The following PITX3 variants were observed in gnomAD, a reference collection of about 807,000 sequenced individuals.
The protein encoded by PITX3 is paired like homeodomain 3, also known as pituitary homeobox 3.
In PITX3, 4 loss-of-function variants were observed where a neutral mutation model predicts 14.2. That is an observed-to-expected ratio of 0.28 (90% CI 0.14 to 0.65). The LOEUF (loss-of-function observed/expected upper bound fraction) is 0.65, where lower values mean the gene tolerates loss of function less well. Ranked by LOEUF, PITX3 falls within the 30% of genes least tolerant of loss-of-function variation. The pLI is 0.82. For missense variants in PITX3, 358 were observed against 426.8 expected (o/e 0.84, Z 1.42); for synonymous variants, 194 against 204.5 (o/e 0.95, Z 0.44).
chr10:102,232,676 T>C (rs1315820635), intron 1 of PITX3, among the ~76,000 whole-genome samples: 1 of 152,056 alleles, frequency 6.6e-6, no homozygotes, highest in Non-Finnish European at 1.5e-5. Flanking sequence ...AGCAAGATGC[T>C]GTCTCAAAAA....
rs973670310 is a variant in PITX3, at chr10:102,233,289, T to C, written c.-12-1197A>G. Among the ~76,000 whole-genome samples, 169 of 18,358 alleles carry C rather than the reference T, an allele frequency of 9.2e-3. 2 individuals carry two copies. The highest frequency in any genetic ancestry group is 0.067 in the African/African-American group (167 of 2,490). The allele number at this position is 18,358 out of a possible 152,430, so 12.0% of individuals were successfully genotyped here. On this transcript the variant is annotated intron_variant, in intron 1 of 3. Transcript: ENST00000370002. The stretch of plus-strand genomic sequence containing the variant: ...TCTGTTTCGTTTACGACTTCTTTCT[T>C]TTTTTTTTTTCCTTCTTTTTTTTTT...
At position 102,230,528 on chromosome 10, in the gene PITX3, C is replaced by T. The variant is rs746699056; in HGVS notation, c.895G>A (p.Glu299Lys). ...ANLSPCQYAV[E>K]RPV ...GGCGGGGCCGCTCATACGGGCCTTT[C>T]CACGGCGTACTGGCACGGACTAAGG... Residue 299 changes from glutamate (E) to lysine (K), a missense_variant, in exon 4 of 4, where the codon GAA (glutamate) becomes AAA (lysine). Physicochemically the swap from Glu to Lys is moderately conservative, Grantham distance 56. Around this residue, in one of 3 missense-constraint regions of PITX3, gnomAD observed 236 missense variants for 250.2 expected, o/e 0.94. Transcript: ENST00000370002. 1.2e-6 allele frequency: 2 copies of T among 1,609,424 alleles called. No individual in the cohort carries two copies. Among genetic ancestry groups the T allele is most frequent in the Admixed American group, 1.7e-5 (1 of 59,654 alleles).
chr10:102,239,754 T>C (rs2070484519), intron 1 of PITX3, among the ~76,000 whole-genome samples: 1 of 152,228 alleles, frequency 6.6e-6, no homozygotes, highest in South Asian at 2.1e-4. Flanking sequence ...TATGGACTCG[T>C]TCTCCCTGTT....
At position 102,241,439 on chromosome 10, in the gene PITX3, C is replaced by G. The variant is rs2070534625; in HGVS notation, c.-119G>C. ...CACCCGGCCGGAGTGGGGGCCGCCCCCCTGCTCCCGGGCCGCCTCTCCGCT... is the reference window on the plus strand; with the variant it reads ...CACCCGGCCGGAGTGGGGGCCGCCCGCCTGCTCCCGGGCCGCCTCTCCGCT... On this transcript the variant is annotated 5_prime_UTR_variant, in exon 1 of 4. Coordinates refer to ENST00000370002, the MANE Select transcript of PITX3 (RefSeq NM_005029.4). The surrounding 1 kb of genome is among the most constrained non-coding windows in gnomAD (Gnocchi z 6.7). 6.6e-6 allele frequency: 1 copy of G among 152,502 alleles called. No homozygotes were observed. The highest frequency in any genetic ancestry group is 1.5e-5 in the Non-Finnish European group (1 of 68,338). The allele number at this position is 152,502 out of a possible 1,614,324, so 9.4% of individuals were successfully genotyped here. A position where few individuals can be genotyped will look rare whatever the true frequency, so the allele number is the denominator to read the frequency against.
rs550316394 is a variant in PITX3 at position 102,236,762 on chromosome 10, A to G, written c.-13+4571T>C. On this transcript the variant is annotated intron_variant, in intron 1 of 3. Coordinates refer to ENST00000370002, the MANE Select transcript of PITX3 (RefSeq NM_005029.4). ...GTGAGAGCCCACAATCGGTTGCAAT[A>G]ATAATGCCTGAGGCTGGAGGCATAA... 4.1e-4 allele frequency among the ~76,000 whole-genome samples: 63 copies of G among 152,336 alleles called. 1 individual carries two copies. Among genetic ancestry groups the G allele is most frequent in the South Asian group, 4.1e-4 (2 of 4,830 alleles).
In PITX3 at chr10:102,237,620, TCTA is replaced by T. The variant is rs1348174558; in HGVS notation, c.-13+3710_-13+3712del. ...ACCCTAAGACCAGTCAAAAACAACA[TCTA>T]CTAGAAAACAGAAGCATGACCTGAA... On this transcript the variant is annotated intron_variant, in intron 1 of 3. Transcript: ENST00000370002. 6.6e-5 allele frequency among the ~76,000 whole-genome samples: 10 copies of T among 152,112 alleles called. No individual in the cohort carries two copies. The East Asian group carries it at 1.5e-3, about 24-fold the overall frequency.
At chr10:102,240,251 A>G (rs117589665) in intron 1 of PITX3, among the ~76,000 whole-genome samples, 6,170 of 152,194 alleles carry the variant, frequency 0.041, 182 homozygotes, top group Non-Finnish European at 0.06. Flanking sequence ...TTTGTCACCT[A>G]TTCCTTCCTT....
rs1040780640 is a variant in PITX3, at chr10:102,231,873, T to G, written c.119-83A>C. 8 of 1,569,308 alleles carry G rather than the reference T, an allele frequency of 5.1e-6. No homozygotes were observed. The African/African-American group carries it at 6.7e-5, about 13-fold the overall frequency. Reference sequence around the variant, plus strand: ...CTCGGGGACCTCCTAAGCCACTCGCTGGCTCCCACCGGGGCTGCCCAGCCG... The same window carrying G: ...CTCGGGGACCTCCTAAGCCACTCGCGGGCTCCCACCGGGGCTGCCCAGCCG... On this transcript the variant is annotated intron_variant, in intron 2 of 3. Coordinates refer to ENST00000370002, the MANE Select transcript of PITX3 (RefSeq NM_005029.4).
At chr10:102,232,471 T>C (rs1590406022) in intron 1 of PITX3, among the ~76,000 whole-genome samples, 1 of 152,046 alleles carries the variant, frequency 6.6e-6, no homozygotes, top group African/African-American at 2.4e-5. Context: ...TCACCTGAGG[T>C]CAGGAGTTCG....
At chr10:102,231,554 G>A (rs759273123) in intron 3 of PITX3, 34 bp downstream of exon 3, 7 of 1,428,830 alleles carry the variant, frequency 4.9e-6, no homozygotes, top group Non-Finnish European at 4.8e-6. Flanking sequence ...CGGAGGGCCC[G>A]CGCGGGTGCG....
chr10:102,236,933 G>A (rs2070409519), intron 1 of PITX3, among the ~76,000 whole-genome samples: 1 of 152,220 alleles, frequency 6.6e-6, no homozygotes. Flanking sequence ...CATTAGGGAC[G>A]CTGAGCACCC....
chr10:102,232,092 T>C lies in PITX3; in HGVS notation c.-12A>G. ...AGGCCGAACTCCATGGAGGGAGGGC[T>C]CTGGAGGCGAGAGAAGACACAGACC... On this transcript the variant is annotated splice_region_variant and 5_prime_UTR_variant, in exon 2 of 4. Transcript: ENST00000370002. The C allele has an allele frequency of 1.3e-6, 2 of 1,547,020 alleles. No homozygotes were observed. Among genetic ancestry groups the C allele is most frequent in the South Asian group, 2.3e-5 (2 of 88,452 alleles).
In PITX3 at chr10:102,230,760, G is replaced by T. The variant is rs1253096992; in HGVS notation, c.663C>A (p.Gly221=). ...GPGALQGLGG[G]PPGLAPAAVS... is the part of the protein sequence containing the mutation. The stretch of plus-strand genomic sequence containing the variant: ...CGGCGGCCGGAGCCAGCCCGGGGGG[G>T]CCCCCGCCCAGGCCCTGCAGGGCCC... Residue 221 remains glycine (G), a synonymous_variant, in exon 4 of 4, where the codon GGC becomes GGA. Coordinates refer to ENST00000370002, the MANE Select transcript of PITX3 (RefSeq NM_005029.4). The T allele has an allele frequency of 2.7e-6, 4 of 1,492,822 alleles. No individual in the cohort carries two copies. In the African/African-American group the frequency reaches 5.9e-5, roughly 22 times the overall value. 92.5% of individuals were successfully genotyped at this position (1,492,822 alleles called of 1,614,324 possible).
At chr10:102,235,272 G>C (rs2070363572) in intron 1 of PITX3, among the ~76,000 whole-genome samples, 1 of 151,300 alleles carries the variant, frequency 6.6e-6, no homozygotes, top group Non-Finnish European at 1.5e-5. Context: ...CAAGGGGCCA[G>C]GGGAGTGTTC....
rs1463122881 is a variant in PITX3, at chr10:102,230,558, C to T, written c.865G>A (p.Ala289Thr). 6.2e-7 allele frequency: 1 copy of T among 1,611,048 alleles called. No individual in the cohort carries two copies. The highest frequency in any genetic ancestry group is 1.3e-5 in the African/African-American group (1 of 74,998). Reference protein sequence around the residue: ...YPAVHGPPPAANLSPCQYAVE... With the variant: ...YPAVHGPPPATNLSPCQYAVE... ...GCGTACTGGCACGGACTAAGGTTGG[C>T]TGCCGGGGGCGGCCCGTGCACAGCG... Residue 289 changes from alanine to threonine, a missense_variant, in exon 4 of 4, where the codon GCC becomes ACC. Transcript: ENST00000370002.
rs2070202950 is a variant in PITX3 at position 102,230,562 on chromosome 10, C to T, written c.861G>A (p.Pro287=). 6.2e-7 allele frequency: 1 copy of T among 1,610,820 alleles called. No homozygotes were observed. Among genetic ancestry groups the T allele is most frequent in the Non-Finnish European group, 8.5e-7 (1 of 1,178,816 alleles). ...ACTGGCACGGACTAAGGTTGGCTGC[C>T]GGGGGCGGCCCGTGCACAGCGGGGT... The part of the protein sequence containing the change: ...FSYPAVHGPP[P]AANLSPCQYA... Residue 287 remains proline, a synonymous_variant, in exon 4 of 4, where the codon CCG becomes CCA. Transcript: ENST00000370002.
intron 1 of PITX3, among the ~76,000 whole-genome samples, chr10:102,239,656 A>G (rs1460361968): frequency 6.6e-6 from 1 of 152,236 alleles, no homozygotes; most frequent in Admixed American, 6.5e-5. Context: ...GGTTGAAACC[A>G]CTGTTTAGAT....
intron 1 of PITX3, among the ~76,000 whole-genome samples, chr10:102,233,832 A>C (rs1489472347): frequency 6.6e-6 from 1 of 152,006 alleles, no homozygotes; most frequent in African/African-American, 2.4e-5. Flanking sequence ...TTCCTTTCCC[A>C]AACTTAGCCT....
intron 1 of PITX3, among the ~76,000 whole-genome samples, chr10:102,238,016 G>T (rs2070445624): frequency 6.6e-6 from 1 of 152,072 alleles, no homozygotes; most frequent in Non-Finnish European, 1.5e-5. Context: ...GGTTGGGCAG[G>T]GAAGAAATAG....
Sources: gnomAD v4.1 joint callset for allele counts (sites outside exome capture counted in the v4.1 genomes callset) on GRCh38, gnomAD v4.1.1 for gene constraint, gnomAD v4.1.1 regional missense constraint, Gnocchi (gnomAD v3.1) non-coding constraint, MANE v1.5 for transcripts, NCBI Gene and HGNC (gene_info 2026-07-23, HGNC 2026-07-21) for gene names.